TTC27: variants seen among roughly 807,000 people sequenced by gnomAD.
The protein encoded by TTC27 is tetratricopeptide repeat domain 27.
TTC27 carries 79 observed loss-of-function variants against 115.9 expected under a neutral mutation model. The observed-to-expected ratio is 0.68, with a 90% CI of 0.57 to 0.82. The LOEUF is 0.82. Ranked by LOEUF, TTC27 falls within the 40% of genes least tolerant of loss-of-function variation. The pLI is 0.00. For synonymous variants in TTC27, 401 were observed against 356.0 expected (o/e 1.13, Z -1.42); for missense variants, 1,054 against 993.1 (o/e 1.06, Z -0.82).
intron 2 of TTC27, 105 bp from the exon 3 acceptor site, chr2:32,633,771 G>A (rs1309276051): frequency 7.7e-7 from 1 of 1,304,298 alleles, no homozygotes; most frequent in African/African-American, 1.5e-5. Context: ...CTCAATAAAT[G>A]TTGATAGATA....
At chr2:32,766,444 A>G (rs1263715422) in intron 13 of TTC27, 1 of 430,324 alleles carries the variant, frequency 2.3e-6, no homozygotes, top group South Asian at 1.8e-5. Flanking sequence ...TTAATTGTCT[A>G]ATTTCAATAT....
intron 1 of TTC27, among the ~76,000 whole-genome samples, chr2:32,628,842 C>A (rs1447707537): frequency 6.6e-6 from 1 of 151,754 alleles, no homozygotes. Flanking sequence ...CTCGCTGCAA[C>A]CTCCGCCTCC....
At chr2:32,798,713 A>AAAAAAAAAAAAATAATAAT (rs1368512271) in intron 16 of TTC27, among the ~76,000 whole-genome samples, 1 of 142,348 alleles carries the variant, frequency 7.0e-6, no homozygotes, top group African/African-American at 2.7e-5. Context: ...TCAAAAAAAA[A>AAAAAAAAAAAAATAATAAT]AATAATAATA....
chr2:32,673,676 C>T (rs1377144480), intron 8 of TTC27, among the ~76,000 whole-genome samples: 1 of 152,124 alleles, frequency 6.6e-6, no homozygotes, highest in Non-Finnish European at 1.5e-5. Context: ...TAGGCTTCTC[C>T]AAAGTTATTC....
chr2:32,652,940 A>G (rs1371232892), intron 5 of TTC27, among the ~76,000 whole-genome samples: 3 of 152,150 alleles, frequency 2.0e-5, no homozygotes, highest in African/African-American at 7.2e-5. Context: ...CCAGTATAAT[A>G]CAGTGGAATG....
At chr2:32,794,512 C>T (rs1385387574) in intron 16 of TTC27, among the ~76,000 whole-genome samples, 1 of 151,746 alleles carries the variant, frequency 6.6e-6, no homozygotes, top group Non-Finnish European at 1.5e-5. Flanking sequence ...TATTTCAAGT[C>T]AATAACTTAA....
At chr2:32,672,405 G>C (rs753870500) in intron 8 of TTC27, 21 bp downstream of exon 8, 4 of 1,568,390 alleles carry the variant, frequency 2.6e-6, no homozygotes, top group Non-Finnish European at 3.5e-6. Flanking sequence ...GACTGACTTG[G>C]CTGCTTTGAA....
intron 4 of TTC27, among the ~76,000 whole-genome samples, chr2:32,641,666 G>T (rs958567694): frequency 6.6e-6 from 1 of 151,928 alleles, no homozygotes; most frequent in Non-Finnish European, 1.5e-5. Context: ...AAATTTTTAA[G>T]AAATGCAATA....
chr2:32,800,726 C>T (rs973544398), intron 16 of TTC27, among the ~76,000 whole-genome samples: 1 of 151,806 alleles, frequency 6.6e-6, no homozygotes, highest in African/African-American at 2.4e-5. Context: ...TCTCAAACTC[C>T]TGACCTCAAG....
chr2:32,712,930 G>C (rs1667632131), intron 10 of TTC27, among the ~76,000 whole-genome samples: 1 of 152,124 alleles, frequency 6.6e-6, no homozygotes. Context: ...TCCCAAAGTT[G>C]ATGTGGTGGA....
intron 10 of TTC27, among the ~76,000 whole-genome samples, chr2:32,732,569 G>A (rs1009578958): frequency 1.3e-5 from 2 of 151,910 alleles, no homozygotes; most frequent in Admixed American, 6.6e-5. Context: ...TTTCTCCTGA[G>A]GCTTGGACTT....
chr2:32,786,475 T>G (rs989597690), intron 15 of TTC27, among the ~76,000 whole-genome samples: 2 of 152,208 alleles, frequency 1.3e-5, no homozygotes, highest in Non-Finnish European at 2.9e-5. Flanking sequence ...ATTTATGTCC[T>G]GTTGACTAGT....
intron 16 of TTC27, among the ~76,000 whole-genome samples, chr2:32,789,921 CA>C (rs34859954): frequency 4.2e-3 from 109 of 25,970 alleles, no homozygotes; most frequent in African/African-American, 0.016. Flanking sequence ...ACCCTGTCTC[CA>C]AAAAAAAAAA....
chr2:32,741,229 C>G (rs969587948), intron 12 of TTC27, among the ~76,000 whole-genome samples: 1 of 152,166 alleles, frequency 6.6e-6, no homozygotes, highest in Non-Finnish European at 1.5e-5. Context: ...CAGATACTTT[C>G]CTCCCACATT....
intron 10 of TTC27, among the ~76,000 whole-genome samples, chr2:32,716,772 C>T (rs1383620985): frequency 6.6e-6 from 1 of 150,446 alleles, no homozygotes; most frequent in African/African-American, 2.5e-5. Context: ...GCTCACTGTG[C>T]AGCCTTGACC....
chr2:32,677,119 C>T (rs1666238213), intron 8 of TTC27, among the ~76,000 whole-genome samples: 1 of 151,936 alleles, frequency 6.6e-6, no homozygotes, highest in Admixed American at 6.6e-5. Context: ...TGTTTTTGAG[C>T]TTTATAAAAG....
intron 16 of TTC27, among the ~76,000 whole-genome samples, chr2:32,803,326 T>C (rs1671021398): frequency 6.6e-6 from 1 of 152,244 alleles, no homozygotes; most frequent in Non-Finnish European, 1.5e-5. Flanking sequence ...GTCTTCTGCC[T>C]TGATGTGCAC....
chr2:32,702,020 A>AAAAATC (rs1553553239), intron 9 of TTC27, among the ~76,000 whole-genome samples: 1 of 145,492 alleles, frequency 6.9e-6, no homozygotes, highest in African/African-American at 2.5e-5. Context: ...CAAAAAAAAA[A>AAAAATC]AAAAACAAAA....
At chr2:32,703,786 A>G (rs898162692) in intron 10 of TTC27, among the ~76,000 whole-genome samples, 5 of 152,242 alleles carry the variant, frequency 3.3e-5, no homozygotes, top group African/African-American at 9.6e-5. Context: ...CTTACAATAG[A>G]TGTAGGATTT....
Sources: gnomAD v4.1 joint callset for allele counts (sites outside exome capture counted in the v4.1 genomes callset) on GRCh38, gnomAD v4.1.1 for gene constraint, MANE v1.5 for transcripts, NCBI Gene and HGNC (gene_info 2026-07-23, HGNC 2026-07-21) for gene names.